Variants in IQGAP3 observed in about 807,000 individuals in gnomAD.
IQGAP3 encodes the protein IQ motif containing GTPase activating protein 3.
Under a neutral mutation model 208.2 loss-of-function variants are expected in IQGAP3, and 165 were observed. The ratio of observed to expected loss-of-function variants is 0.79; its 90% CI spans 0.70 to 0.90. The LOEUF (loss-of-function observed/expected upper bound fraction) is 0.90. Among genes scored for constraint, IQGAP3 ranks in the 40% least tolerant of loss-of-function variants. The pLI is 0.00. For synonymous variants in IQGAP3, 703 were observed against 803.6 expected (o/e 0.87, Z 2.12); for missense variants, 1,811 against 2,043.1 (o/e 0.89, Z 2.19).
At chr1:156,527,859 C>A (rs1674176504) in intron 37 of IQGAP3, 93 bp downstream of exon 37, 1 of 808,730 alleles carries the variant, frequency 1.2e-6, no homozygotes, top group Non-Finnish European at 2.1e-6. Flanking sequence ...CTGGTGTCAT[C>A]TGAGGACTAG....
At chr1:156,565,274 G>A (rs1254340970) in intron 4 of IQGAP3, among the ~76,000 whole-genome samples, 1 of 152,084 alleles carries the variant, frequency 6.6e-6, no homozygotes, top group African/African-American at 2.4e-5. Context: ...ACTGTAATGA[G>A]GCCTAACCTC....
intron 2 of IQGAP3, among the ~76,000 whole-genome samples, chr1:156,568,138 T>G (rs1266182403): frequency 6.6e-6 from 1 of 152,176 alleles, no homozygotes; most frequent in Non-Finnish European, 1.5e-5. Flanking sequence ...TATTGCAGTA[T>G]ATAAGGGGTA....
Position 156,551,803 on chromosome 1 carries a change from C to A in IQGAP3, c.1636G>T (p.Ala546Ser), listed in dbSNP as rs1185262639. The A allele has an allele frequency of 1.2e-6, 2 of 1,613,958 alleles. No individual in the cohort carries two copies. Among genetic ancestry groups the A allele is most frequent in the Non-Finnish European group, 1.7e-6 (2 of 1,179,960 alleles). ...DKGSPEKTLSALLLPAAGLDD... is the reference protein window; with the variant it reads ...DKGSPEKTLSSLLLPAAGLDD... The stretch of plus-strand genomic sequence containing the variant: ...AGGCCAGCTGCAGGAAGCAGTAGGG[C>A]AGACAGAGTCTTCTCAGGGCTGCCT... Residue 546 changes from alanine (A) to serine (S), a missense_variant, in exon 15 of 38, where the codon GCC becomes TCC. Transcript: ENST00000361170.
chr1:156,561,166 A>G (rs1159967419), intron 10 of IQGAP3, 145 bp from the exon 11 acceptor site: 1 of 558,990 alleles, frequency 1.8e-6, no homozygotes, highest in African/African-American at 1.9e-5. Context: ...ACTCATCCCT[A>G]TTAACCGTTT....
At chr1:156,550,142 TC>T in intron 16 of IQGAP3, 118 bp downstream of exon 16, 1 of 691,076 alleles carries the variant, frequency 1.4e-6, no homozygotes, top group Non-Finnish European at 2.6e-6. Flanking sequence ...CTGGCCTGCC[TC>T]CCCACAGAGG....
At chr1:156,571,624 T>G (rs1426078223) in intron 1 of IQGAP3, among the ~76,000 whole-genome samples, 2 of 152,198 alleles carry the variant, frequency 1.3e-5, no homozygotes, top group African/African-American at 4.8e-5. Flanking sequence ...AGTTATGAAC[T>G]GAGGACTGTG....
Position 156,539,450 on chromosome 1 carries a change from A to G in IQGAP3, c.2980T>C (p.Tyr994His). The change falls in exon 25 of 38, where the codon TAC becomes CAC. Residue 994 changes from tyrosine to histidine, a missense_variant. Tyr to His is a moderately conservative substitution (Grantham distance 83). Transcript: ENST00000361170. Reference protein sequence around the residue: ...KFMEAVIFSLYNYASSRREAY... With the variant: ...KFMEAVIFSLHNYASSRREAY... The stretch of plus-strand genomic sequence containing the variant: ...TCTCGGCGGCTGGAGGCATAGTTGT[A>G]CAGGCTGAAAATCACTGCCTCCATG... 1 of 1,614,136 alleles carries G rather than the reference A, an allele frequency of 6.2e-7. No homozygotes were observed. The highest frequency in any genetic ancestry group is 8.5e-7 in the Non-Finnish European group (1 of 1,179,974).
Position 156,548,715 on chromosome 1 carries a change from A to G in IQGAP3, c.1859T>C (p.Ile620Thr). ...AGTCTGGGCTGCCTTGCCCTCCTTG[A>G]TGGCTTGATTGATGGCAGCCACACC... ...ALGVAAINQAIKEGKAAQTER... is the reference protein window; with the variant it reads ...ALGVAAINQATKEGKAAQTER... Residue 620 changes from isoleucine (I) to threonine (T), a missense_variant, in exon 17 of 38, where the codon ATC becomes ACC. Ile to Thr is a moderately conservative substitution (Grantham distance 89). Transcript: ENST00000361170. 1 of 1,595,120 alleles carries G rather than the reference A, an allele frequency of 6.3e-7. No individual in the cohort carries two copies. The highest frequency in any genetic ancestry group is 8.5e-7 in the Non-Finnish European group (1 of 1,169,806).
chr1:156,555,939 C>T (rs1675803509), intron 12 of IQGAP3, among the ~76,000 whole-genome samples: 1 of 152,228 alleles, frequency 6.6e-6, no homozygotes, highest in African/African-American at 2.4e-5. Flanking sequence ...GGAGTAGATG[C>T]TCTATAAACA....
At chr1:156,547,509 A>C (rs1296707886) in intron 19 of IQGAP3, among the ~76,000 whole-genome samples, 2 of 152,026 alleles carry the variant, frequency 1.3e-5, no homozygotes, top group African/African-American at 2.4e-5. Context: ...CATTTCAGCC[A>C]GTACACTGCC....
chr1:156,547,599 T>C (rs781268598), intron 19 of IQGAP3, among the ~76,000 whole-genome samples: 1 of 152,186 alleles, frequency 6.6e-6, no homozygotes, highest in Non-Finnish European at 1.5e-5. Context: ...ATCACAGGCA[T>C]GAGCCACTGC....
At chr1:156,564,816 G>T in intron 4 of IQGAP3, 125 bp from the exon 5 acceptor site, 3 of 714,876 alleles carry the variant, frequency 4.2e-6, no homozygotes, top group South Asian at 1.6e-5. Flanking sequence ...GTTACCTGGG[G>T]TGTCTAGGTC....
At chr1:156,529,134 C>T in intron 34 of IQGAP3, 52 bp from the exon 35 acceptor site, 2 of 1,589,962 alleles carry the variant, frequency 1.3e-6, no homozygotes, top group Non-Finnish European at 1.7e-6. Flanking sequence ...GGCAGGAGAG[C>T]CTTAGGGCCT....
At position 156,545,086 on chromosome 1, in the gene IQGAP3, G is replaced by A. The variant is rs564322568; in HGVS notation, c.2305-614C>T. ...ATCCAGCTCCTGACCCTAGTTCTCA[G>A]CAAATCTTCCCACCAAGGTCCCCAG... On this transcript the variant is annotated intron_variant, in intron 19 of 37. Transcript: ENST00000361170. Among the ~76,000 whole-genome samples the A allele has an allele frequency of 4.0e-5, 6 of 150,574 alleles. No individual in the cohort carries two copies. In the South Asian group the frequency reaches 1.3e-3, roughly 32 times the overall value.
chr1:156,548,422 T>C lies in IQGAP3; in HGVS notation c.2059A>G (p.Thr687Ala). The change falls in exon 18 of 38, where the codon ACC (threonine) becomes GCC (alanine). Residue 687 changes from threonine to alanine, a missense_variant. Thr to Ala is a moderately conservative substitution (Grantham distance 58). Transcript: ENST00000361170. ...GGTTGCTCCCAGATCCCCTGGAAGG[T>C]CTGCAGATGGAAGTAGTAGGCAGTG... ...DGTAYYFHLQ[T>A]FQGIWEQPPG... is the part of the protein sequence containing the mutation. 1.2e-6 allele frequency: 2 copies of C among 1,613,756 alleles called. No homozygotes were observed. Among genetic ancestry groups the C allele is most frequent in the Non-Finnish European group, 1.7e-6 (2 of 1,179,920 alleles).
chr1:156,533,665 G>T, intron 31 of IQGAP3, 108 bp downstream of exon 31: 1 of 819,850 alleles, frequency 1.2e-6, no homozygotes, highest in Non-Finnish European at 2.0e-6. Context: ...TAGCCGCCTG[G>T]CACAAGACCT....
In IQGAP3 at chr1:156,538,857, A is replaced by C. The variant is rs1330365562; in HGVS notation, c.3233T>G (p.Leu1078Arg). Residue 1078 changes from leucine (L) to arginine (R), a missense_variant, in exon 26 of 38, where the codon CTC (leucine) becomes CGC (arginine). Transcript: ENST00000361170. ...VLSVHTDPVH[L>R]YKNWINQTEA... ...AGTCTGGTTGATCCAGTTCTTATAG[A>C]GGTGGACAGGGTCTGTGTGGACGCT... 6.2e-7 allele frequency: 1 copy of C among 1,614,026 alleles called. No homozygotes were observed.
chr1:156,558,025 T>G (rs1201102746), intron 11 of IQGAP3, among the ~76,000 whole-genome samples: 1 of 292 alleles, frequency 3.4e-3, no homozygotes, highest in African/African-American at 5.3e-3. Flanking sequence ...GGGAGGGAGG[T>G]GGGGGGGGTC....
chr1:156,535,292 C>T, intron 27 of IQGAP3, 45 bp from the exon 28 acceptor site: 1 of 1,342,340 alleles, frequency 7.4e-7, no homozygotes, highest in South Asian at 1.3e-5. Context: ...CTCTGCCCAT[C>T]TCTCTCTGCC....
Sources: gnomAD v4.1 joint callset for allele counts (sites outside exome capture counted in the v4.1 genomes callset) on GRCh38, gnomAD v4.1.1 for gene constraint, MANE v1.5 for transcripts, NCBI Gene and HGNC (gene_info 2026-07-23, HGNC 2026-07-21) for gene names.